The following DSCAM variants were observed in gnomAD, a reference collection of about 807,000 sequenced individuals.
The protein encoded by DSCAM is DS cell adhesion molecule.
Under a neutral mutation model 217.7 loss-of-function variants are expected in DSCAM, and 47 were observed. That is an observed-to-expected ratio of 0.22 (90% CI 0.17 to 0.28). The LOEUF (loss-of-function observed/expected upper bound fraction) is 0.28. Ranked by LOEUF, DSCAM falls within the 10% of genes least tolerant of loss-of-function variation. DSCAM has a pLI of 1.00. For synonymous variants in DSCAM, 1,056 were observed against 1,015.3 expected, an observed-to-expected ratio of 1.04 and a Z score of -0.76; for missense variants, 2,080 against 2,618.3, an observed-to-expected ratio of 0.79 and a Z score of 4.49.
At chr21:40,809,301 T>C (rs940180470) in intron 1 of DSCAM, among the ~76,000 whole-genome samples, 63 of 152,232 alleles carry the variant, frequency 4.1e-4, no homozygotes, top group African/African-American at 1.4e-3. Context: ...AAGCAGATCC[T>C]AATTTGAGGA....
chr21:40,219,143 A>G (rs1220057996), intron 11 of DSCAM, among the ~76,000 whole-genome samples: 2 of 152,184 alleles, frequency 1.3e-5, no homozygotes, highest in Admixed American at 6.5e-5. Flanking sequence ...ATTTTAAGGT[A>G]TGTTCCTTCA....
intron 1 of DSCAM, among the ~76,000 whole-genome samples, chr21:40,775,173 A>G (rs1482504463): frequency 6.6e-6 from 1 of 152,056 alleles, no homozygotes; most frequent in Non-Finnish European, 1.5e-5. Flanking sequence ...AATCCCTAAT[A>G]TCTAAAATCT....
intron 8 of DSCAM, among the ~76,000 whole-genome samples, chr21:40,329,868 G>A (rs938002634): frequency 6.6e-6 from 1 of 151,980 alleles, no homozygotes; most frequent in Admixed American, 6.6e-5. Flanking sequence ...AAAGGAGAAT[G>A]GTGGTTCCCA....
At chr21:40,557,982 C>T (rs2076685868) in intron 3 of DSCAM, among the ~76,000 whole-genome samples, 1 of 152,148 alleles carries the variant, frequency 6.6e-6, no homozygotes, top group African/African-American at 2.4e-5. Flanking sequence ...TGTGTAGCTT[C>T]ACTTAATATA....
chr21:40,629,805 A>T (rs531403674), intron 3 of DSCAM, among the ~76,000 whole-genome samples: 1 of 152,324 alleles, frequency 6.6e-6, no homozygotes, highest in East Asian at 1.9e-4. Context: ...TGAGAAAAGG[A>T]GACAAATCAT....
intron 9 of DSCAM, 134 bp downstream of exon 9, chr21:40,311,933 ATTTTTTTTTTTTTT>A (rs34579385): frequency 9.9e-6 from 2 of 201,404 alleles, no homozygotes; most frequent in Non-Finnish European, 1.7e-5. Context: ...TTAGAGTCGT[ATTTTTTTTTTTTTT>A]TTTTTTTTTT....
chr21:40,051,377 A>C (rs943184694), intron 30 of DSCAM, among the ~76,000 whole-genome samples: 8 of 152,242 alleles, frequency 5.3e-5, no homozygotes, highest in African/African-American at 1.9e-4. Flanking sequence ...AAAATCCAAC[A>C]TAATCTTCAC....
chr21:40,443,489 C>T (rs1371611862), intron 3 of DSCAM, among the ~76,000 whole-genome samples: 1 of 151,984 alleles, frequency 6.6e-6, no homozygotes, highest in East Asian at 1.9e-4. Context: ...TCTGTGTTCC[C>T]GTCTGTGTTC....
Position 40,083,967 on chromosome 21 carries a change from G to A in DSCAM, c.4172C>T (p.Thr1391Met), listed in dbSNP as rs375838575. The A allele has an allele frequency of 6.2e-6, 10 of 1,613,792 alleles. No homozygotes were observed. Among genetic ancestry groups the A allele is most frequent in the East Asian group, 2.2e-5 (1 of 44,842 alleles). ...CCAAGAAAGGGTGATGGAGGAAGAC[G>A]TGGTCTTGGAGACTGTAAGCCGAGG... The part of the protein sequence containing the change: ...DQPRLTVSKT[T>M]SSSITLSWLP... The change falls in exon 24 of 33, where the codon ACG (threonine) becomes ATG (methionine). Residue 1391 changes from threonine (T) to methionine (M), a missense_variant. Thr to Met is a moderately conservative substitution (Grantham distance 81). This residue lies in a region of DSCAM where 1,144 missense variants were observed against 1,421.1 expected (regional missense o/e 0.81). Transcript: ENST00000400454.
At chr21:40,309,255 G>T (rs2074112567) in intron 9 of DSCAM, among the ~76,000 whole-genome samples, 1 of 152,076 alleles carries the variant, frequency 6.6e-6, no homozygotes. Flanking sequence ...CTCTAATCAA[G>T]CCCTCGCTGC....
At chr21:40,147,680 TAA>T (rs1186260697) in intron 16 of DSCAM, among the ~76,000 whole-genome samples, 1 of 151,332 alleles carries the variant, frequency 6.6e-6, no homozygotes, top group African/African-American at 2.5e-5. Context: ...TTATCTAAAG[TAA>T]AGTGTTTTGC....
chr21:40,723,332 C>A (rs2090922448), intron 1 of DSCAM, among the ~76,000 whole-genome samples: 1 of 152,118 alleles, frequency 6.6e-6, no homozygotes, highest in Non-Finnish European at 1.5e-5. Flanking sequence ...GAACACTTCA[C>A]CCTCCTTTAT....
intron 11 of DSCAM, among the ~76,000 whole-genome samples, chr21:40,204,774 G>A (rs1417363062): frequency 6.6e-6 from 1 of 152,208 alleles, no homozygotes; most frequent in Non-Finnish European, 1.5e-5. Flanking sequence ...AGAGATGGAG[G>A]TCGTATCCTA....
intron 3 of DSCAM, among the ~76,000 whole-genome samples, chr21:40,396,549 A>G (rs549393104): frequency 2.0e-5 from 3 of 152,298 alleles, no homozygotes; most frequent in South Asian, 4.2e-4. Context: ...CTGGGTGCCC[A>G]CCAGGAACGG....
At chr21:40,494,922 C>T (rs1347541820) in intron 3 of DSCAM, among the ~76,000 whole-genome samples, 2 of 149,558 alleles carry the variant, frequency 1.3e-5, no homozygotes, top group South Asian at 2.1e-4. Flanking sequence ...ACACCTGATA[C>T]AACAGAAATA....
chr21:40,328,924 C>T (rs2074346442), intron 8 of DSCAM, among the ~76,000 whole-genome samples: 1 of 151,996 alleles, frequency 6.6e-6, no homozygotes, highest in African/African-American at 2.4e-5. Context: ...CTCAACATCG[C>T]TAATTATCAG....
chr21:40,702,424 G>A (rs2090666410), intron 2 of DSCAM, among the ~76,000 whole-genome samples: 1 of 152,188 alleles, frequency 6.6e-6, no homozygotes, highest in Non-Finnish European at 1.5e-5. Context: ...TAATATTAAT[G>A]TGGCTATTCT....
chr21:40,280,181 CTTT>C (rs3988427), intron 10 of DSCAM, among the ~76,000 whole-genome samples: 5 of 118,912 alleles, frequency 4.2e-5, no homozygotes, highest in South Asian at 2.8e-4. Context: ...ATTTTGGTGC[CTTT>C]TTTTTTTTTT....
chr21:40,166,073 G>A lies in DSCAM; in HGVS notation c.3018+1145C>T, dbSNP rs148682638. On this transcript the variant is annotated intron_variant, in intron 16 of 32. Coordinates refer to ENST00000400454, the MANE Select transcript of DSCAM (RefSeq NM_001389.5). Reference sequence around the variant, plus strand: ...AAAGGGGCTCGCTGCATTAACGCCCGTAATACCAAAGGTGGTATCCGCCCC... The same window carrying A: ...AAAGGGGCTCGCTGCATTAACGCCCATAATACCAAAGGTGGTATCCGCCCC... Among the ~76,000 whole-genome samples, 6 of 152,224 alleles carry A rather than the reference G, an allele frequency of 3.9e-5. No homozygotes were observed. The East Asian group carries it at 5.8e-4, about 15-fold the overall frequency.
Sources: allele counts gnomAD v4.1 joint callset (sites outside exome capture counted in the v4.1 genomes callset), GRCh38; gene constraint gnomAD v4.1.1; regional missense constraint gnomAD v4.1.1; transcripts MANE v1.5; gene names NCBI Gene and HGNC (gene_info 2026-07-23, HGNC 2026-07-21).